Variants in TCOF1 observed in about 807,000 individuals in gnomAD.
The protein encoded by TCOF1 is treacle ribosome biogenesis factor 1, also known as treacle protein.
Under a neutral mutation model 149.0 loss-of-function variants are expected in TCOF1, and 33 were observed. The ratio of observed to expected loss-of-function variants is 0.22; its 90% CI spans 0.17 to 0.30. TCOF1 has a LOEUF of 0.30. Among genes scored for constraint, TCOF1 ranks in the 10% least tolerant of loss-of-function variants. The pLI is 1.00. For synonymous variants in TCOF1, 789 were observed against 738.8 expected (o/e 1.07, Z -1.10); for missense variants, 1,728 against 1,840.7 (o/e 0.94, Z 1.12).
chr5:150,398,250 G>A, intron 24 of TCOF1, 104 bp from the exon 25 acceptor site: 1 of 1,587,380 alleles, frequency 6.3e-7, no homozygotes, highest in Non-Finnish European at 8.5e-7. Context: ...GGCTTCTGGT[G>A]GTGTGGGGAA....
chr5:150,386,836 G>A (rs1428719400), intron 17 of TCOF1, among the ~76,000 whole-genome samples: 1 of 152,252 alleles, frequency 6.6e-6, no homozygotes, highest in Non-Finnish European at 1.5e-5. Flanking sequence ...CTCGTGTGCG[G>A]TGAACATGTT....
chr5:150,375,937 A>G (rs368875700), intron 12 of TCOF1, 28 bp downstream of exon 12: 8 of 1,613,876 alleles, frequency 5.0e-6, no homozygotes, highest in Non-Finnish European at 6.8e-6. Context: ...AGGCTGCTAC[A>G]TGGCCTGATC....
intron 17 of TCOF1, chr5:150,384,835 A>G (rs2150937115): frequency 3.0e-6 from 3 of 985,460 alleles, no homozygotes; most frequent in Non-Finnish European, 2.4e-6. Context: ...TCATTATTGT[A>G]CATTTATTGA....
chr5:150,364,316 C>T lies in TCOF1; in HGVS notation c.304+64C>T, dbSNP rs1459423436. The stretch of plus-strand genomic sequence containing the variant: ...TTGATTGTTCTAGGGTAGAGTCTAC[C>T]TCCAGCTTCTTCTCTTATCACTAGA... On this transcript the variant is annotated intron_variant, in intron 3 of 26. Coordinates refer to ENST00000643257, the MANE Select transcript of TCOF1 (RefSeq NM_001371623.1). 3 of 1,607,014 alleles carry T rather than the reference C, an allele frequency of 1.9e-6. No homozygotes were observed. In the Admixed American group the frequency reaches 5.0e-5, roughly 27 times the overall value.
At chr5:150,376,387 C>A in intron 13 of TCOF1, 36 bp from the exon 14 acceptor site, 1 of 1,614,186 alleles carries the variant, frequency 6.2e-7, no homozygotes, top group Non-Finnish European at 8.5e-7. Flanking sequence ...GTCCTTTGGA[C>A]TCCTGGAGAC....
intron 17 of TCOF1, among the ~76,000 whole-genome samples, chr5:150,386,159 C>A (rs1766246169): frequency 2.0e-5 from 3 of 152,224 alleles, no homozygotes; most frequent in Non-Finnish European, 4.4e-5. Flanking sequence ...ACAGCCAAGC[C>A]CCCTGCACCA....
At chr5:150,396,156 G>T in intron 23 of TCOF1, 126 bp from the exon 24 acceptor site, 1 of 1,100,656 alleles carries the variant, frequency 9.1e-7, no homozygotes, top group South Asian at 1.3e-5. Context: ...GCCAAGCCTT[G>T]CTCTCCCCAT....
At chr5:150,379,470 C>T in intron 16 of TCOF1, 62 bp downstream of exon 16, 1 of 1,614,112 alleles carries the variant, frequency 6.2e-7, no homozygotes, top group Non-Finnish European at 8.5e-7. Context: ...CCACATCCAG[C>T]TCCTGTCTTC....
intron 21 of TCOF1, chr5:150,392,445 A>G: frequency 1.6e-6 from 1 of 609,200 alleles, no homozygotes; most frequent in Non-Finnish European, 2.9e-6. Context: ...ATGTTTCTGG[A>G]ACAGTGGAAA....
intron 1 of TCOF1, 23 bp downstream of exon 1, chr5:150,357,877 C>T: frequency 6.5e-7 from 1 of 1,545,750 alleles, no homozygotes; most frequent in Non-Finnish European, 8.7e-7. Context: ...GGGCCGTGTG[C>T]GAGGGCCGCG....
chr5:150,375,242 C>T (rs909541234), intron 10 of TCOF1, 79 bp downstream of exon 10: 5 of 1,609,528 alleles, frequency 3.1e-6, no homozygotes, highest in Non-Finnish European at 4.2e-6. Flanking sequence ...CCTCTCTGAA[C>T]CTAGAGCCCT....
intron 7 of TCOF1, among the ~76,000 whole-genome samples, chr5:150,373,023 T>G (rs1268203441): frequency 1.3e-5 from 2 of 152,200 alleles, no homozygotes; most frequent in Non-Finnish European, 2.9e-5. Flanking sequence ...GCTGTCTATT[T>G]TGCAGTGTCT....
At chr5:150,358,326 G>T (rs1345878757) in intron 1 of TCOF1, among the ~76,000 whole-genome samples, 1 of 152,096 alleles carries the variant, frequency 6.6e-6, no homozygotes, top group Admixed American at 6.5e-5. Context: ...TTTAGCGATT[G>T]TCTGTACTGA....
rs1483932161 is a variant in TCOF1, at chr5:150,379,249, C to A, written c.2499C>A (p.Asn833Lys). 5.6e-6 allele frequency: 9 copies of A among 1,614,098 alleles called. No individual in the cohort carries two copies. Among genetic ancestry groups the A allele is most frequent in the East Asian group, 2.2e-5 (1 of 44,902 alleles). Residue 833 changes from asparagine (N) to lysine (K), a missense_variant, in exon 16 of 27, where the codon AAC (asparagine) becomes AAA (lysine). Asn to Lys is a moderately conservative substitution (Grantham distance 94). This residue lies in a region of TCOF1 where 1,696 missense variants were observed against 1,765.4 expected (regional missense o/e 0.96). Transcript: ENST00000643257. ...TTCAGGTGAAGCCACCAGTGAGAAA[C>A]CCCCAGAACAGTACCGTCTTGGCGA... is the stretch of plus-strand genomic sequence containing the variant. The part of the protein sequence containing the change: ...SPSKVKPPVR[N>K]PQNSTVLARG...
chr5:150,377,694 G>T (rs1246010203), intron 14 of TCOF1, among the ~76,000 whole-genome samples: 1 of 151,940 alleles, frequency 6.6e-6, no homozygotes. Flanking sequence ...TTCCAGAGCC[G>T]CCTCTACTCT....
At chr5:150,361,284 A>G in intron 2 of TCOF1, 73 bp downstream of exon 2, 1 of 1,565,176 alleles carries the variant, frequency 6.4e-7, no homozygotes, top group Non-Finnish European at 8.8e-7. Context: ...AAGCTGGGAT[A>G]CCTATCTGGT....
chr5:150,376,967 G>A, intron 14 of TCOF1, among the ~76,000 whole-genome samples: 1 of 152,254 alleles, frequency 6.6e-6, no homozygotes, highest in East Asian at 1.9e-4. Flanking sequence ...CTCCTGCAGT[G>A]TGGAGCGATG....
chr5:150,363,492 C>T (rs1760636660), intron 2 of TCOF1, among the ~76,000 whole-genome samples: 1 of 152,202 alleles, frequency 6.6e-6, no homozygotes, highest in South Asian at 2.1e-4. Context: ...GAGCAAGTCA[C>T]TTAGTTGTTC....
At chr5:150,397,050 A>G (rs1025073530) in intron 24 of TCOF1, among the ~76,000 whole-genome samples, 5 of 149,170 alleles carry the variant, frequency 3.4e-5, no homozygotes, top group East Asian at 2.0e-4. Flanking sequence ...TCTCAGCTAC[A>G]TGGGAGGCTG....
Sources: allele counts gnomAD v4.1 joint callset (sites outside exome capture counted in the v4.1 genomes callset), GRCh38; gene constraint gnomAD v4.1.1; regional missense constraint gnomAD v4.1.1; transcripts MANE v1.5; gene names NCBI Gene and HGNC (gene_info 2026-07-23, HGNC 2026-07-21).